The following DPP10 variants were observed in gnomAD, a reference collection of about 807,000 sequenced individuals.
DPP10 encodes dipeptidyl peptidase like 10.
Under a neutral mutation model 120.9 loss-of-function variants are expected in DPP10, and 33 were observed. The observed-to-expected ratio is 0.27, with a 90% CI of 0.21 to 0.37. DPP10 has a LOEUF of 0.37. Ranked by LOEUF, DPP10 falls within the 10% of genes least tolerant of loss-of-function variation. The probability of loss-of-function intolerance (pLI) is 1.00; values close to 1 mark genes in which losing one functional copy is unlikely to be tolerated. For synonymous variants in DPP10, 337 were observed against 326.1 expected (o/e 1.03, Z -0.36); for missense variants, 816 against 942.8 (o/e 0.87, Z 1.76).
At chr2:115,310,749 T>C (rs1324244047) in intron 2 of DPP10, among the ~76,000 whole-genome samples, 1 of 152,332 alleles carries the variant, frequency 6.6e-6, no homozygotes, top group East Asian at 1.9e-4. Flanking sequence ...AGTTTCAGCA[T>C]GGTGTTTCAC....
intron 1 of DPP10, among the ~76,000 whole-genome samples, chr2:114,762,684 T>C (rs897476289): frequency 3.3e-5 from 5 of 152,172 alleles, no homozygotes; most frequent in African/African-American, 9.7e-5. Context: ...AACAATTAAA[T>C]GCTATGAGGC....
intron 3 of DPP10, among the ~76,000 whole-genome samples, chr2:115,449,976 G>A (rs769974191): frequency 6.1e-4 from 92 of 151,960 alleles, no homozygotes; most frequent in Non-Finnish European, 1.1e-3. Context: ...TACCCCAAAA[G>A]CCCAAGAATT....
intron 3 of DPP10, among the ~76,000 whole-genome samples, chr2:115,416,847 A>G (rs1383986207): frequency 2.6e-5 from 4 of 152,142 alleles, no homozygotes; most frequent in Non-Finnish European, 5.9e-5. Context: ...CAAAAATAGC[A>G]GTTTATATAA....
At chr2:114,878,190 C>G (rs1282571652) in intron 1 of DPP10, among the ~76,000 whole-genome samples, 1 of 152,030 alleles carries the variant, frequency 6.6e-6, no homozygotes, top group Non-Finnish European at 1.5e-5. Flanking sequence ...AAAAGTCACT[C>G]AAACGGATTG....
chr2:115,216,246 C>T (rs2056810403), intron 1 of DPP10, among the ~76,000 whole-genome samples: 2 of 152,022 alleles, frequency 1.3e-5, no homozygotes, highest in Admixed American at 6.6e-5. Flanking sequence ...CCCAGGCTTC[C>T]CCACTACACG....
intron 1 of DPP10, among the ~76,000 whole-genome samples, chr2:115,277,447 C>CTTTTTTTTTTTT (rs70941038): frequency 4.0e-5 from 2 of 49,742 alleles, no homozygotes; most frequent in African/African-American, 1.6e-4. Context: ...CTGCCAGGGC[C>CTTTTTTTTTTTT]TTTTTTTTTT....
At chr2:115,267,237 C>T (rs540336985) in intron 1 of DPP10, among the ~76,000 whole-genome samples, 122 of 152,058 alleles carry the variant, frequency 8.0e-4, no homozygotes, top group Non-Finnish European at 1.6e-3. Context: ...CTATCAGAGA[C>T]GGATTATAAT....
chr2:114,496,309 C>T (rs530873332), intron 1 of DPP10, among the ~76,000 whole-genome samples: 1 of 152,228 alleles, frequency 6.6e-6, no homozygotes, highest in Admixed American at 6.5e-5. Context: ...AGGGACACTA[C>T]AGAATTGGGG....
chr2:115,336,101 TAA>T (rs911268292), intron 2 of DPP10, among the ~76,000 whole-genome samples: 1 of 152,060 alleles, frequency 6.6e-6, no homozygotes, highest in Non-Finnish European at 1.5e-5. Flanking sequence ...ACCAAGAACT[TAA>T]AGTCATAAAT....
intron 1 of DPP10, among the ~76,000 whole-genome samples, chr2:114,504,011 G>A (rs1281347383): frequency 6.6e-6 from 1 of 152,206 alleles, no homozygotes. Flanking sequence ...ACCAAGTGTA[G>A]TAAAGTGAAT....
chr2:115,424,855 T>C (rs1352510818), intron 3 of DPP10, among the ~76,000 whole-genome samples: 1 of 152,158 alleles, frequency 6.6e-6, no homozygotes. Context: ...TTTAAGTGAT[T>C]TGAGATTCTG....
At chr2:115,460,483 G>A (rs999599758) in intron 3 of DPP10, among the ~76,000 whole-genome samples, 1 of 152,088 alleles carries the variant, frequency 6.6e-6, no homozygotes, top group African/African-American at 2.4e-5. Context: ...TGCTTTTCTT[G>A]TAGGAGTTTG....
rs138913281 is a variant in DPP10 at position 115,239,095 on chromosome 2, C to G, written c.61-70144C>G. On this transcript the variant is annotated intron_variant, in intron 1 of 25. Transcript: ENST00000410059. ...ACTGGCAGCTGATTAGATGGTGCCC[C>G]CCCCAGATTAAGGGTGGGTCTACCT... Among the ~76,000 whole-genome samples the G allele has an allele frequency of 7.4e-4, 112 of 152,246 alleles. 1 individual carries two copies. The highest frequency in any genetic ancestry group is 2.6e-3 in the African/African-American group (110 of 41,560).
intron 1 of DPP10, among the ~76,000 whole-genome samples, chr2:115,246,981 A>G (rs1048882079): frequency 6.6e-6 from 1 of 152,136 alleles, no homozygotes; most frequent in Non-Finnish European, 1.5e-5. Context: ...TACTATCACC[A>G]AAGACCTACG....
intron 1 of DPP10, among the ~76,000 whole-genome samples, chr2:114,533,401 G>T (rs958561378): frequency 6.6e-6 from 1 of 152,026 alleles, no homozygotes; most frequent in Non-Finnish European, 1.5e-5. Flanking sequence ...GAAAGGAAAA[G>T]GAGTGAACAA....
At chr2:115,085,027 A>T (rs1047088421) in intron 1 of DPP10, among the ~76,000 whole-genome samples, 4 of 152,246 alleles carry the variant, frequency 2.6e-5, no homozygotes, top group Non-Finnish European at 5.9e-5. Context: ...GGAAGAGCAC[A>T]GAGCCAAATG....
chr2:115,449,045 T>C (rs1343260364), intron 3 of DPP10, among the ~76,000 whole-genome samples: 2 of 152,114 alleles, frequency 1.3e-5, no homozygotes, highest in Admixed American at 6.6e-5. Flanking sequence ...TTAAATATTT[T>C]GAAGGGATTT....
chr2:115,566,346 A>G (rs10191440), intron 5 of DPP10, among the ~76,000 whole-genome samples: 1 of 151,952 alleles, frequency 6.6e-6, no homozygotes, highest in Non-Finnish European at 1.5e-5. Context: ...TTTTTTCTAT[A>G]TGGTGGTTTT....
chr2:115,283,544 A>T (rs1249477500), intron 1 of DPP10, among the ~76,000 whole-genome samples: 1 of 152,122 alleles, frequency 6.6e-6, no homozygotes, highest in Non-Finnish European at 1.5e-5. Flanking sequence ...AGTATATAAT[A>T]ACATTTTATT....
Sources: allele counts gnomAD v4.1 joint callset (sites outside exome capture counted in the v4.1 genomes callset), GRCh38; gene constraint gnomAD v4.1.1; transcripts MANE v1.5; gene names NCBI Gene and HGNC (gene_info 2026-07-23, HGNC 2026-07-21).